Variants in DNAH14 observed in about 807,000 individuals in gnomAD.
The protein encoded by DNAH14 is axonemal beta dynein heavy chain 14.
DNAH14 carries 478 observed loss-of-function variants against 520.9 expected under a neutral mutation model. The observed-to-expected ratio is 0.92, with a 90% CI of 0.85 to 0.99. The LOEUF is 0.99. Among genes scored for constraint, DNAH14 ranks in the 50% least tolerant of loss-of-function variants. The pLI is 0.00. For synonymous variants in DNAH14, 1,581 were observed against 1,757.2 expected, an observed-to-expected ratio of 0.90 and a Z score of 2.51; for missense variants, 4,831 against 5,234.5, an observed-to-expected ratio of 0.92 and a Z score of 2.38.
chr1:225,115,701 C>T lies in DNAH14; in HGVS notation c.3868-1983C>T, dbSNP rs957335978. Among the ~76,000 whole-genome samples the T allele has an allele frequency of 3.9e-5, 6 of 152,300 alleles. No homozygotes were observed. The East Asian group carries it at 5.8e-4, about 15-fold the overall frequency. ...AATAATAGCCGGTTTACCAAGTCAT[C>T]GTTGAGATAAGCCTTCCAAATATTT... On this transcript the variant is annotated intron_variant, in intron 23 of 85. Transcript: ENST00000682510.
chr1:225,305,763 C>G (rs1294239049), intron 58 of DNAH14, among the ~76,000 whole-genome samples: 1 of 152,184 alleles, frequency 6.6e-6, no homozygotes, highest in Non-Finnish European at 1.5e-5. Context: ...CATGGTGGAA[C>G]TATTCTTCTC....
chr1:225,210,791 C>T (rs1426668018), intron 41 of DNAH14, among the ~76,000 whole-genome samples: 1 of 152,178 alleles, frequency 6.6e-6, no homozygotes, highest in African/African-American at 2.4e-5. Flanking sequence ...TGGGATGAAG[C>T]TTACAGAGGA....
intron 17 of DNAH14, among the ~76,000 whole-genome samples, chr1:225,067,624 A>G (rs1229801633): frequency 6.6e-6 from 1 of 152,114 alleles, no homozygotes; most frequent in Non-Finnish European, 1.5e-5. Flanking sequence ...CCTCACCAGC[A>G]TCGGTTATTT....
At position 225,152,659 on chromosome 1, in the gene DNAH14, G is replaced by A. The variant is rs748784958; in HGVS notation, c.5010-38G>A. On this transcript the variant is annotated intron_variant, in intron 32 of 85. Transcript: ENST00000682510. The stretch of plus-strand genomic sequence containing the variant: ...GATTCCTTATTTGAAAAATTGAGAA[G>A]TGGTGTTTTTATTGTTTGTTTTTCT... 17 of 1,486,334 alleles carry A rather than the reference G, an allele frequency of 1.1e-5. No homozygotes were observed. In the Admixed American group the frequency reaches 3.6e-4, roughly 31 times the overall value. 92.1% of individuals were successfully genotyped at this position (1,486,334 alleles called of 1,614,324 possible).
At chr1:225,014,319 G>A (rs530081802) in intron 10 of DNAH14, among the ~76,000 whole-genome samples, 1 of 152,186 alleles carries the variant, frequency 6.6e-6, no homozygotes, top group South Asian at 2.1e-4. Context: ...GATGAACCAG[G>A]TACCTCAGTT....
intron 71 of DNAH14, among the ~76,000 whole-genome samples, chr1:225,349,299 C>T (rs746608981): frequency 1.1e-4 from 16 of 151,986 alleles, no homozygotes; most frequent in Non-Finnish European, 1.8e-4. Flanking sequence ...AAGAAAATAT[C>T]TATAGAATAT....
chr1:225,008,742 T>C (rs1572423340), intron 10 of DNAH14, among the ~76,000 whole-genome samples: 1 of 152,130 alleles, frequency 6.6e-6, no homozygotes, highest in Non-Finnish European at 1.5e-5. Flanking sequence ...GACTTTTTAA[T>C]GATCGCCCTT....
chr1:225,217,349 A>AGGG (rs1472964463), intron 41 of DNAH14, among the ~76,000 whole-genome samples: 1 of 152,176 alleles, frequency 6.6e-6, no homozygotes, highest in African/African-American at 2.4e-5. Context: ...CTCAGGCATC[A>AGGG]GGGACTCACT....
At position 225,270,815 on chromosome 1, in the gene DNAH14, C is replaced by T; in HGVS notation, c.7620C>T (p.Ser2540=). 1 of 1,551,330 alleles carries T rather than the reference C, an allele frequency of 6.4e-7. No homozygotes were observed. The highest frequency in any genetic ancestry group is 8.7e-7 in the Non-Finnish European group (1 of 1,146,806). The change falls in exon 50 of 86, where the codon TCC becomes TCT. Residue 2540 remains serine, a synonymous_variant. Coordinates refer to ENST00000682510, the MANE Select transcript of DNAH14 (RefSeq NM_001367479.1). The part of the protein sequence containing the change: ...DISPRLLKHF[S]MLVLPHPSQD... ...GCCCACGTCTTCTCAAACACTTTTCCATGCTGGTATTACCTCATCCTTCAC... is the reference window on the plus strand; with the variant it reads ...GCCCACGTCTTCTCAAACACTTTTCTATGCTGGTATTACCTCATCCTTCAC...
At chr1:225,390,316 A>G (rs940203803) in intron 83 of DNAH14, among the ~76,000 whole-genome samples, 7 of 152,136 alleles carry the variant, frequency 4.6e-5, no homozygotes, top group African/African-American at 1.7e-4. Context: ...CCTGCTCAAC[A>G]TAAACGTCCA....
Position 224,996,450 on chromosome 1 carries a change from T to C in DNAH14, c.831-6333T>C, listed in dbSNP as rs145400375. Among the ~76,000 whole-genome samples, 689 of 152,306 alleles carry C rather than the reference T, an allele frequency of 4.5e-3. 11 individuals carry two copies. The highest frequency in any genetic ancestry group is 4.9e-3 in the Non-Finnish European group (332 of 68,016). ...TGTTGGGATTAGAGGCATGAGTCAC[T>C]GTGCTTGGTCATAGATTTTCTTTGG... On this transcript the variant is annotated intron_variant, in intron 8 of 85. Coordinates refer to ENST00000682510, the MANE Select transcript of DNAH14 (RefSeq NM_001367479.1).
intron 64 of DNAH14, among the ~76,000 whole-genome samples, chr1:225,331,162 TA>T (rs959959657): frequency 2.6e-5 from 4 of 151,676 alleles, no homozygotes; most frequent in African/African-American, 9.7e-5. Flanking sequence ...TTGCAAAAAA[TA>T]AATCAGAAAT....
chr1:225,388,332 CA>C, intron 81 of DNAH14, 46 bp from the exon 82 acceptor site: 1 of 1,247,410 alleles, frequency 8.0e-7, no homozygotes, highest in Non-Finnish European at 1.1e-6. Flanking sequence ...CTAATGACCC[CA>C]AAGACAAAGA....
intron 36 of DNAH14, among the ~76,000 whole-genome samples, chr1:225,170,467 T>G (rs2082506100): frequency 6.6e-6 from 1 of 152,120 alleles, no homozygotes; most frequent in African/African-American, 2.4e-5. Flanking sequence ...GGGGTTGGAA[T>G]CCTAGTCTCT....
chr1:225,252,487 T>C (rs958661973), intron 44 of DNAH14, 70 bp downstream of exon 44: 6 of 826,620 alleles, frequency 7.3e-6, no homozygotes, highest in Non-Finnish European at 1.1e-5. Flanking sequence ...TAAAAGTAAT[T>C]ATATCTACTC....
chr1:225,188,460 C>A (rs921399298), intron 37 of DNAH14, among the ~76,000 whole-genome samples: 2 of 151,816 alleles, frequency 1.3e-5, no homozygotes, highest in African/African-American at 4.8e-5. Flanking sequence ...CTTACTGTGC[C>A]TAATTTCTAA....
chr1:225,118,716 C>G (rs1214892335), intron 25 of DNAH14, among the ~76,000 whole-genome samples: 1 of 151,866 alleles, frequency 6.6e-6, no homozygotes, highest in Admixed American at 6.6e-5. Context: ...AACCCTATCT[C>G]TACTAAAAAT....
intron 1 of DNAH14, among the ~76,000 whole-genome samples, chr1:224,930,222 A>G (rs1490626460): frequency 1.3e-5 from 2 of 152,270 alleles, no homozygotes; most frequent in East Asian, 1.9e-4. Context: ...TAATATATAC[A>G]TATACACTCT....
intron 10 of DNAH14, among the ~76,000 whole-genome samples, chr1:225,014,665 T>C (rs1273111451): frequency 1.3e-5 from 2 of 152,190 alleles, no homozygotes; most frequent in African/African-American, 4.8e-5. Context: ...TCAGATAAGA[T>C]ACTTGATATG....
Sources: allele counts gnomAD v4.1 joint callset (sites outside exome capture counted in the v4.1 genomes callset), GRCh38; gene constraint gnomAD v4.1.1; transcripts MANE v1.5; gene names NCBI Gene and HGNC (gene_info 2026-07-23, HGNC 2026-07-21).